MYO10: variants seen among roughly 807,000 people sequenced by gnomAD.
MYO10 encodes unconventional myosin-X.
Under a neutral mutation model 257.3 loss-of-function variants are expected in MYO10, and 133 were observed. The ratio of observed to expected loss-of-function variants is 0.52; its 90% CI spans 0.45 to 0.60. MYO10 has a LOEUF of 0.60. MYO10 is among the 20% of genes least tolerant of loss of function. MYO10 has a pLI of 0.00. For synonymous variants in MYO10, 1,104 were observed against 1,028.6 expected (o/e 1.07, Z -1.40); for missense variants, 2,399 against 2,635.7 (o/e 0.91, Z 1.97).
chr5:16,788,411 G>A (rs186986432), intron 4 of MYO10, among the ~76,000 whole-genome samples: 2 of 152,166 alleles, frequency 1.3e-5, no homozygotes, highest in South Asian at 2.1e-4. Context: ...ATACTTTACC[G>A]TGTGTAAGTT....
chr5:16,818,606 ATT>A (rs34322258), intron 2 of MYO10, among the ~76,000 whole-genome samples: 784 of 144,814 alleles, frequency 5.4e-3, no homozygotes, highest in African/African-American at 8.9e-3. Context: ...TAATTTTTGC[ATT>A]TTTTTTTTTT....
At position 16,926,228 on chromosome 5, in the gene MYO10, G is replaced by A. The variant is rs149056467; in HGVS notation, c.21+9560C>T. On this transcript the variant is annotated intron_variant, in intron 1 of 40. Coordinates refer to ENST00000513610, the MANE Select transcript of MYO10 (RefSeq NM_012334.3). ...TTCAAATTTTGGATTTTCAGATTAC[G>A]GATATTCAACCTGGATAATGAAATT... Among the ~76,000 whole-genome samples, 461 of 152,146 alleles carry A rather than the reference G, an allele frequency of 3.0e-3. 5 individuals are homozygous for A. The highest frequency in any genetic ancestry group is 0.011 in the African/African-American group (442 of 41,518).
At chr5:16,786,994 C>T (rs1390970693) in intron 4 of MYO10, among the ~76,000 whole-genome samples, 3 of 152,100 alleles carry the variant, frequency 2.0e-5, no homozygotes. Context: ...CATGGTGAAA[C>T]CCCGTCTCTA....
chr5:16,910,120 G>C (rs1037436224), intron 1 of MYO10, among the ~76,000 whole-genome samples: 3 of 152,042 alleles, frequency 2.0e-5, no homozygotes, highest in Admixed American at 6.6e-5. Flanking sequence ...AACAGGTATG[G>C]GTTTTATTTA....
intron 1 of MYO10, among the ~76,000 whole-genome samples, chr5:16,933,554 C>T (rs752705995): frequency 6.6e-5 from 10 of 152,202 alleles, no homozygotes; most frequent in Non-Finnish European, 1.3e-4. Flanking sequence ...AGACAGAATT[C>T]TACTTAGTGA....
intron 18 of MYO10, among the ~76,000 whole-genome samples, chr5:16,756,957 C>T (rs761137029): frequency 8.6e-5 from 13 of 151,440 alleles, no homozygotes; most frequent in Admixed American, 4.0e-4. Flanking sequence ...AAAAATTAGC[C>T]GGGTATGAAA....
intron 2 of MYO10, among the ~76,000 whole-genome samples, chr5:16,866,014 AACACACAC>A (rs34718010): frequency 0.025 from 3,427 of 136,548 alleles, 105 homozygotes; most frequent in African/African-American, 0.078. Flanking sequence ...TATTTACCCA[AACACACAC>A]ACACACACAC....
intron 3 of MYO10, among the ~76,000 whole-genome samples, chr5:16,814,060 T>C (rs1742523784): frequency 6.6e-6 from 1 of 152,232 alleles, no homozygotes; most frequent in Non-Finnish European, 1.5e-5. Context: ...CTAGAGCATC[T>C]GGAAACAGAC....
At chr5:16,669,531 C>T (rs1736344282) in intron 39 of MYO10, among the ~76,000 whole-genome samples, 1 of 152,206 alleles carries the variant, frequency 6.6e-6, no homozygotes, top group African/African-American at 2.4e-5. Flanking sequence ...TGCTAATTCA[C>T]AGCTCACGTT....
At chr5:16,878,904 C>T (rs970674819) in intron 1 of MYO10, among the ~76,000 whole-genome samples, 3 of 151,112 alleles carry the variant, frequency 2.0e-5, no homozygotes, top group African/African-American at 4.9e-5. Context: ...GTGATGGGTG[C>T]GCCAGAATCT....
rs1276453473 is a variant in MYO10, at chr5:16,821,468, T to C, written c.121-3301A>G. 2.7e-4 allele frequency among the ~76,000 whole-genome samples: 8 copies of C among 29,522 alleles called. 1 individual carries two copies. Among genetic ancestry groups the C allele is most frequent in the Admixed American group, 1.5e-3 (4 of 2,630 alleles). The allele number at this position is 29,522 out of a possible 152,430, so 19.4% of individuals were successfully genotyped here. ...CTTTTTTTTTTTTTTTTTTTTTTTT[T>C]TTTTTTTTTTTTTTTTGAGACGGAG... On this transcript the variant is annotated intron_variant, in intron 2 of 40. Coordinates refer to ENST00000513610, the MANE Select transcript of MYO10 (RefSeq NM_012334.3).
chr5:16,704,558 C>T (rs566753492), intron 22 of MYO10, 21 bp downstream of exon 22: 1 of 1,602,378 alleles, frequency 6.2e-7, no homozygotes, highest in Non-Finnish European at 8.5e-7. Context: ...CTGCCTTATC[C>T]CCTCAGCGTG....
chr5:16,824,598 G>C (rs1382050436), intron 2 of MYO10, among the ~76,000 whole-genome samples: 1 of 152,216 alleles, frequency 6.6e-6, no homozygotes, highest in East Asian at 1.9e-4. Flanking sequence ...GCCGGGCGCG[G>C]TGGCTCACGC....
chr5:16,733,848 G>A (rs1014022829), intron 19 of MYO10, among the ~76,000 whole-genome samples: 7 of 152,142 alleles, frequency 4.6e-5, no homozygotes, highest in Admixed American at 2.6e-4. Flanking sequence ...GGGGCGCCAC[G>A]AGTTGACGGC....
At chr5:16,873,915 G>A (rs1744517433) in intron 2 of MYO10, among the ~76,000 whole-genome samples, 1 of 152,186 alleles carries the variant, frequency 6.6e-6, no homozygotes, top group Non-Finnish European at 1.5e-5. Context: ...GGACTGTGAT[G>A]GGAGGGGCTG....
chr5:16,824,759 C>T (rs1742951047), intron 2 of MYO10, among the ~76,000 whole-genome samples: 1 of 151,968 alleles, frequency 6.6e-6, no homozygotes, highest in Admixed American at 6.6e-5. Flanking sequence ...CCCAGCTACT[C>T]AGGAGGCTGA....
chr5:16,762,022 T>A, intron 16 of MYO10, 23 bp downstream of exon 16: 1 of 1,491,472 alleles, frequency 6.7e-7, no homozygotes, highest in Non-Finnish European at 8.9e-7. Context: ...CAAATATCAA[T>A]AGGTATCTTA....
At chr5:16,891,390 G>A (rs1745055708) in intron 1 of MYO10, among the ~76,000 whole-genome samples, 1 of 147,452 alleles carries the variant, frequency 6.8e-6, no homozygotes, top group South Asian at 2.2e-4. Context: ...GAGAGAGAGA[G>A]GAAGGAGGAA....
chr5:16,674,663 A>G (rs1435589832), intron 35 of MYO10, among the ~76,000 whole-genome samples, 190 bp downstream of exon 35: 1 of 151,886 alleles, frequency 6.6e-6, no homozygotes. Context: ...CCCTGAAATA[A>G]CCTTGTGTGA....
Sources: gnomAD v4.1 joint callset for allele counts (sites outside exome capture counted in the v4.1 genomes callset) on GRCh38, gnomAD v4.1.1 for gene constraint, MANE v1.5 for transcripts, NCBI Gene and HGNC (gene_info 2026-07-23, HGNC 2026-07-21) for gene names.